NFIA: variants seen among roughly 807,000 people sequenced by gnomAD.
NFIA encodes nuclear factor 1 A-type.
Under a neutral mutation model 62.8 loss-of-function variants are expected in NFIA, and 8 were observed. That is an observed-to-expected ratio of 0.13 (90% CI 0.07 to 0.23). The LOEUF (loss-of-function observed/expected upper bound fraction) is 0.23, where lower values mean the gene tolerates loss of function less well. Ranked by LOEUF, NFIA falls within the 10% of genes least tolerant of loss-of-function variation. The pLI is 1.00. For missense variants in NFIA, 410 were observed against 642.1 expected, an observed-to-expected ratio of 0.64 and a Z score of 3.91; for synonymous variants, 235 against 238.1, an observed-to-expected ratio of 0.99 and a Z score of 0.12.
rs572114498 is a variant in NFIA, at chr1:61,345,343, A to C, written c.701-7107A>C. On this transcript the variant is annotated intron_variant, in intron 4 of 10. Coordinates refer to ENST00000403491, the MANE Select transcript of NFIA (RefSeq NM_001134673.4). ...GTAATTATTCACTCTTCTTAATTCA[A>C]AGCATATTTATTGATGATCAACTGT... Among the ~76,000 whole-genome samples the C allele has an allele frequency of 6.6e-5, 10 of 152,310 alleles. 1 individual carries two copies. The South Asian group carries it at 2.1e-3, about 32-fold the overall frequency.
intron 4 of NFIA, among the ~76,000 whole-genome samples, chr1:61,333,223 C>T (rs1661403833): frequency 6.6e-6 from 1 of 152,142 alleles, no homozygotes; most frequent in Non-Finnish European, 1.5e-5. Flanking sequence ...TTTTGTTTTA[C>T]TCCTCCAACT....
chr1:61,382,878 G>A (rs1664488183), intron 6 of NFIA, among the ~76,000 whole-genome samples: 2 of 152,296 alleles, frequency 1.3e-5, no homozygotes, highest in East Asian at 1.9e-4. Context: ...TGCATGTGAA[G>A]TCTTCATAAG....
intron 9 of NFIA, among the ~76,000 whole-genome samples, chr1:61,424,629 A>G (rs1666784854): frequency 6.6e-6 from 1 of 151,934 alleles, no homozygotes; most frequent in Non-Finnish European, 1.5e-5. Flanking sequence ...TTCCCTAACC[A>G]CTAACAGGTT....
intron 2 of NFIA, among the ~76,000 whole-genome samples, chr1:61,274,889 T>C (rs1657714636): frequency 1.3e-5 from 2 of 152,140 alleles, no homozygotes; most frequent in South Asian, 4.1e-4. Context: ...AGAATAGCAC[T>C]AAGACTGGGT....
intron 2 of NFIA, among the ~76,000 whole-genome samples, chr1:61,157,167 T>C (rs1648877515): frequency 6.6e-6 from 1 of 152,224 alleles, no homozygotes; most frequent in Non-Finnish European, 1.5e-5. Context: ...CAAACACTGT[T>C]TTTGGCTTTT....
chr1:61,160,943 C>G (rs1386033240), intron 2 of NFIA, among the ~76,000 whole-genome samples: 2 of 152,182 alleles, frequency 1.3e-5, no homozygotes, highest in African/African-American at 4.8e-5. Context: ...GAGACAGAGC[C>G]TCACTCTGTT....
chr1:61,247,332 T>C (rs763757503), intron 2 of NFIA, among the ~76,000 whole-genome samples: 20 of 152,236 alleles, frequency 1.3e-4, no homozygotes, highest in Non-Finnish European at 2.4e-4. Flanking sequence ...CATTTCGTGA[T>C]ATGCAGTGGC....
intron 3 of NFIA, among the ~76,000 whole-genome samples, chr1:61,278,681 C>T (rs1407516003): frequency 6.6e-6 from 1 of 152,170 alleles, no homozygotes; most frequent in East Asian, 1.9e-4. Flanking sequence ...ATCCCAGCTA[C>T]TTGGGAGGCT....
At chr1:61,255,780 C>T (rs1189382829) in intron 2 of NFIA, among the ~76,000 whole-genome samples, 3 of 152,142 alleles carry the variant, frequency 2.0e-5, no homozygotes, top group Non-Finnish European at 4.4e-5. Flanking sequence ...CTTGGCACCT[C>T]ACACGGGATC....
intron 3 of NFIA, among the ~76,000 whole-genome samples, chr1:61,329,045 T>C (rs1661128346): frequency 6.8e-6 from 1 of 147,054 alleles, no homozygotes; most frequent in African/African-American, 2.5e-5. Flanking sequence ...TTTTTTCTTT[T>C]TTTCTTTTTT....
intron 6 of NFIA, among the ~76,000 whole-genome samples, chr1:61,369,294 A>G (rs1017917080): frequency 2.6e-5 from 4 of 152,204 alleles, no homozygotes; most frequent in African/African-American, 9.6e-5. Flanking sequence ...TGATTTGTAG[A>G]TAATAGATTG....
At chr1:61,300,814 A>G (rs1451851447) in intron 3 of NFIA, among the ~76,000 whole-genome samples, 2 of 152,074 alleles carry the variant, frequency 1.3e-5, no homozygotes, top group South Asian at 2.1e-4. Context: ...ATAAACCTCC[A>G]TTTTTATAAA....
intron 2 of NFIA, among the ~76,000 whole-genome samples, chr1:61,134,245 AGTGTGTGTGTGTGTGTGTGT>A (rs61677972): frequency 4.1e-5 from 6 of 146,408 alleles, no homozygotes; most frequent in Non-Finnish European, 7.5e-5. Flanking sequence ...TGTGTGTGTG[AGTGTGTGTGTGTGTGTGTGT>A]GTGTGTGTGT....
At chr1:61,450,019 G>T (rs561667613) in intron 10 of NFIA, among the ~76,000 whole-genome samples, 1 of 152,238 alleles carries the variant, frequency 6.6e-6, no homozygotes, top group East Asian at 1.9e-4. Flanking sequence ...TGAGTCCTTT[G>T]GACACTGGAT....
intron 4 of NFIA, among the ~76,000 whole-genome samples, chr1:61,343,141 A>C (rs115269572): frequency 2.3e-4 from 35 of 152,368 alleles, no homozygotes; most frequent in Non-Finnish European, 4.6e-4. Context: ...GAGAATACAA[A>C]AATAAGTAGG....
At chr1:61,083,555 G>A (rs907061378) in intron 1 of NFIA, among the ~76,000 whole-genome samples, 1 of 151,778 alleles carries the variant, frequency 6.6e-6, no homozygotes, top group South Asian at 2.1e-4. Context: ...GTTCCCCCGC[G>A]CCGGCCGGGT....
chr1:61,294,561 C>T (rs1038577244), intron 3 of NFIA, among the ~76,000 whole-genome samples: 2 of 152,200 alleles, frequency 1.3e-5, no homozygotes, highest in Non-Finnish European at 2.9e-5. Flanking sequence ...CAGTTTAACA[C>T]AGTTTTCATA....
chr1:61,364,171 C>G, intron 6 of NFIA, among the ~76,000 whole-genome samples: 1 of 151,962 alleles, frequency 6.6e-6, no homozygotes, highest in Non-Finnish European at 1.5e-5. Context: ...GTCTCAAACT[C>G]CTGGCCTCAA....
chr1:61,403,732 A>G (rs1472825882), intron 7 of NFIA, among the ~76,000 whole-genome samples: 2 of 152,392 alleles, frequency 1.3e-5, no homozygotes, highest in East Asian at 1.9e-4. Context: ...TGTGCAAACT[A>G]GAATTTGTCA....
Sources: gnomAD v4.1 joint callset for allele counts (sites outside exome capture counted in the v4.1 genomes callset) on GRCh38, gnomAD v4.1.1 for gene constraint, MANE v1.5 for transcripts, NCBI Gene and HGNC (gene_info 2026-07-23, HGNC 2026-07-21) for gene names.